Variants in NLRP6 observed in about 807,000 individuals in gnomAD.
The protein encoded by NLRP6 is NACHT, LRR and PYD domains-containing protein 6.
A neutral mutation model predicts 70.9 loss-of-function variants in NLRP6; 55 were observed. The observed-to-expected ratio is 0.78, with a 90% CI of 0.62 to 0.97. The LOEUF (loss-of-function observed/expected upper bound fraction) is 0.97, where lower values mean the gene tolerates loss of function less well. Among genes scored for constraint, NLRP6 ranks in the 50% least tolerant of loss-of-function variants. The probability of loss-of-function intolerance (pLI) is 0.00; values close to 1 mark genes in which losing one functional copy is unlikely to be tolerated. For missense variants in NLRP6, 1,241 were observed against 1,238.3 expected, an observed-to-expected ratio of 1.00 and a Z score of -0.03; for synonymous variants, 652 against 581.9, an observed-to-expected ratio of 1.12 and a Z score of -1.73.
Position 280,584 on chromosome 11 carries a change from C to A in NLRP6, c.850C>A (p.Leu284Met). Residue 284 changes from leucine to methionine, a missense_variant, in exon 4 of 8, where the codon CTG (leucine) becomes ATG (methionine). By Grantham distance (15) the Leu-to-Met change is conservative. Coordinates refer to ENST00000534750, the MANE Select transcript of NLRP6 (RefSeq NM_001276700.2). ...CTTCATCCTGGACGGCGCGGACGAG[C>A]TGCCGGCGCTGGGGGGCCCCGAGGC... ...LLFILDGADE[L>M]PALGGPEAAP... 6.9e-7 allele frequency: 1 copy of A among 1,451,758 alleles called. No individual in the cohort carries two copies. 89.9% of individuals were successfully genotyped at this position (1,451,758 alleles called of 1,614,324 possible).
chr11:281,672 G>A lies in NLRP6; in HGVS notation c.1938G>A (p.Leu646=), dbSNP rs1845481462. ...TGTGCCGGTTCCCGGAGCTGGCGCT[G>A]CAGCGAGTGCGCTTCTGCCGCATGG... ...QALCRFPELA[L]QRVRFCRMDV... Residue 646 remains leucine, a synonymous_variant, in exon 4 of 8, where the codon CTG becomes CTA. Transcript: ENST00000534750. 1.2e-6 allele frequency: 2 copies of A among 1,613,444 alleles called. No individual in the cohort carries two copies. The highest frequency in any genetic ancestry group is 2.2e-5 in the South Asian group (2 of 91,080).
In NLRP6 at chr11:278,469, G is replaced by A; in HGVS notation, c.-101G>A. 1 of 1,030,214 alleles carries A rather than the reference G, an allele frequency of 9.7e-7. No individual in the cohort carries two copies. Among genetic ancestry groups the A allele is most frequent in the Admixed American group, 2.9e-5 (1 of 34,548 alleles). 63.8% of individuals were successfully genotyped at this position (1,030,214 alleles called of 1,614,324 possible). A position where few individuals can be genotyped will look rare whatever the true frequency, so the allele number is the denominator to read the frequency against. On this transcript the variant is annotated 5_prime_UTR_variant, in exon 1 of 8. Coordinates refer to ENST00000534750, the MANE Select transcript of NLRP6 (RefSeq NM_001276700.2). The surrounding 1 kb of genome is among the most constrained non-coding windows in gnomAD (Gnocchi z 4.7). ...TGGACCCGGGGAATGGACCGGGCTG[G>A]ACAACCTCTAAGACTTGGCTCCAGC...
At chr11:279,180 C>G (rs1845429204) in intron 1 of NLRP6, 147 bp from the exon 2 acceptor site, 2 of 691,736 alleles carry the variant, frequency 2.9e-6, no homozygotes, top group Non-Finnish European at 4.0e-6. Flanking sequence ...CCCGTTGCCC[C>G]CTCCCGCCAC....
At position 281,025 on chromosome 11, in the gene NLRP6, C is replaced by G; in HGVS notation, c.1291C>G (p.Pro431Ala). The G allele has an allele frequency of 6.2e-7, 1 of 1,613,038 alleles. No individual in the cohort carries two copies. Among genetic ancestry groups the G allele is most frequent in the Non-Finnish European group, 8.5e-7 (1 of 1,179,964 alleles). The change falls in exon 4 of 8, where the codon CCG (proline) becomes GCG (alanine). Residue 431 changes from proline (P) to alanine (A), a missense_variant. Physicochemically the swap from Pro to Ala is conservative, Grantham distance 27. Coordinates refer to ENST00000534750, the MANE Select transcript of NLRP6 (RefSeq NM_001276700.2). Reference sequence around the variant, plus strand: ...CATCACCAGCGTTCTGAGCTCGGCTCCGGTAGCCGACGGGCCCCGGTTGCA... The same window carrying G: ...CATCACCAGCGTTCTGAGCTCGGCTGCGGTAGCCGACGGGCCCCGGTTGCA... ...LFITSVLSSA[P>A]VADGPRLQGD...
Position 279,520 on chromosome 11 carries a change from GA to G in NLRP6, c.224del (p.Glu75GlyfsTer59). 1 of 1,458,146 alleles carries G rather than the reference GA, an allele frequency of 6.9e-7. No homozygotes were observed. The highest frequency in any genetic ancestry group is 9.0e-7 in the Non-Finnish European group (1 of 1,107,290). 90.3% of individuals were successfully genotyped at this position (1,458,146 alleles called of 1,614,324 possible). ...GCAGCTGGCCCAGTTCTACGGCCCG[GA>G]GCCTGCCCTGGAGGTGGCCCGCAAG... Reference protein sequence around the residue: ...AEQLAQFYGPEPALEVARKTL... With the variant: ...AEQLAQFYGPXPALEVARKTL... On this transcript the variant is annotated frameshift_variant, in exon 2 of 8. Coordinates refer to ENST00000534750, the MANE Select transcript of NLRP6 (RefSeq NM_001276700.2). LOFTEE classifies it high-confidence loss of function.
At position 284,303 on chromosome 11, in the gene NLRP6, A is replaced by AC; in HGVS notation, c.2273dup (p.Glu759GlyfsTer11). The AC allele has an allele frequency of 2.5e-6, 4 of 1,612,630 alleles. No individual in the cohort carries two copies. Among genetic ancestry groups the AC allele is most frequent in the Non-Finnish European group, 3.4e-6 (4 of 1,179,876 alleles). ...GGCCCTGAGGGCAGCCCCCGCACTG[A>AC]CGGAGCTGGGCCTCCTCCACAACAG... On this transcript the variant is annotated frameshift_variant, in exon 6 of 8. Transcript: ENST00000534750. LOFTEE classifies it high-confidence loss of function.
chr11:280,091 G>A lies in NLRP6; in HGVS notation c.357G>A (p.Lys119=). The A allele has an allele frequency of 1.3e-6, 2 of 1,504,834 alleles. No individual in the cohort carries two copies. The highest frequency in any genetic ancestry group is 1.8e-6 in the Non-Finnish European group (2 of 1,128,036). The allele number at this position is 1,504,834 out of a possible 1,614,324, so 93.2% of individuals were successfully genotyped here. Residue 119 remains lysine, a synonymous_variant, in exon 4 of 8, where the codon AAG becomes AAA. Transcript: ENST00000534750. ...GTCTCCCGCTGCGCCCAGAGTACAA[G>A]AAGAAGTACCGGGAGCACGTGCTGC... is the stretch of plus-strand genomic sequence containing the variant. ...SGTLLSVSEY[K]KKYREHVLQL...
intron 1 of NLRP6, 175 bp from the exon 2 acceptor site, chr11:279,151 GA>G (rs1474002005): frequency 1.4e-5 from 7 of 515,562 alleles, no homozygotes; most frequent in Admixed American, 8.9e-5. Context: ...ACGGGGGAGG[GA>G]AAAGTCTGGG....
At position 281,562 on chromosome 11, in the gene NLRP6, G is replaced by A; in HGVS notation, c.1828G>A (p.Glu610Lys). 4 of 1,611,480 alleles carry A rather than the reference G, an allele frequency of 2.5e-6. No individual in the cohort carries two copies. The highest frequency in any genetic ancestry group is 3.4e-6 in the Non-Finnish European group (4 of 1,179,010). The change falls in exon 4 of 8, where the codon GAG becomes AAG. Residue 610 changes from glutamate to lysine, a missense_variant. Physicochemically the swap from Glu to Lys is moderately conservative, Grantham distance 56. Transcript: ENST00000534750. ...GGACACCGAAGAGCCAGAGGAGGAG[G>A]AGGAGGGAGAGGAGCCCAACTACCC... Reference protein sequence around the residue: ...LEDTEEPEEEEEGEEPNYPLE... With the variant: ...LEDTEEPEEEKEGEEPNYPLE...
rs752975307 is a variant in NLRP6 at position 284,492 on chromosome 11, C to T, written c.2387C>T (p.Pro796Leu). Residue 796 changes from proline (P) to leucine (L), a missense_variant, in exon 7 of 8, where the codon CCC (proline) becomes CTC (leucine). Physicochemically the swap from Pro to Leu is moderately conservative, Grantham distance 98. Transcript: ENST00000534750. ...TCCCACAGGGTACAGCTGCCTGACC[C>T]CCAGCGAGGGCTCCAGTACCTGGTG... ...VQTVRVQLPD[P>L]QRGLQYLVGM... 23 of 1,612,808 alleles carry T rather than the reference C, an allele frequency of 1.4e-5. No homozygotes were observed. The highest frequency in any genetic ancestry group is 1.3e-5 in the African/African-American group (1 of 74,918).
rs772833407 is a variant in NLRP6 at position 281,830 on chromosome 11, G to C, written c.2096G>C (p.Gly699Ala). Residue 699 changes from glycine to alanine, a missense_variant, in exon 4 of 8, where the codon GGT (glycine) becomes GCT (alanine). Gly to Ala is a moderately conservative substitution (Grantham distance 60). Coordinates refer to ENST00000534750, the MANE Select transcript of NLRP6 (RefSeq NM_001276700.2). Reference protein sequence around the residue: ...SLGKRLQASLGGGSSQGTTKQ... With the variant: ...SLGKRLQASLAGGSSQGTTKQ... The stretch of plus-strand genomic sequence containing the variant: ...GGGAAGCGGCTCCAGGCCAGCCTGG[G>C]TGGCGGCAGGTGCGTCTCCAGGGCA... 14 of 1,574,362 alleles carry C rather than the reference G, an allele frequency of 8.9e-6. No homozygotes were observed. Among genetic ancestry groups the C allele is most frequent in the Admixed American group, 3.5e-5 (2 of 57,418 alleles).
Position 284,293 on chromosome 11 carries a change from C to T in NLRP6, c.2262C>T (p.Ala754=), listed in dbSNP as rs953115273. 6.2e-7 allele frequency: 1 copy of T among 1,612,804 alleles called. No individual in the cohort carries two copies. Among genetic ancestry groups the T allele is most frequent in the Non-Finnish European group, 8.5e-7 (1 of 1,179,924 alleles). Reference sequence around the variant, plus strand: ...ACCTTTCTGAGGCCCTGAGGGCAGCCCCCGCACTGACGGAGCTGGGCCTCC... The same window carrying T: ...ACCTTTCTGAGGCCCTGAGGGCAGCTCCCGCACTGACGGAGCTGGGCCTCC... ...CRDLSEALRA[A]PALTELGLLH... The change falls in exon 6 of 8, where the codon GCC becomes GCT. Residue 754 remains alanine (A), a synonymous_variant. Transcript: ENST00000534750.
chr11:285,048 CA>C, intron 7 of NLRP6, 117 bp from the exon 8 acceptor site: 1 of 820,562 alleles, frequency 1.2e-6, no homozygotes, highest in Non-Finnish European at 1.9e-6. Context: ...GCAGCCCGGC[CA>C]CCCCCACGGC....
rs561710559 is a variant in NLRP6 at position 278,612 on chromosome 11, C to T, written c.29+14C>T. ...CCCCTGCTCCAGGTGAGTGCTGGCC[C>T]CAGGGTGGTCACTGGGAACCGGCTG... On this transcript the variant is annotated intron_variant, in intron 1 of 7. Coordinates refer to ENST00000534750, the MANE Select transcript of NLRP6 (RefSeq NM_001276700.2). The surrounding 1 kb of genome is among the most constrained non-coding windows in gnomAD (Gnocchi z 4.7). 8.2e-6 allele frequency: 13 copies of T among 1,580,074 alleles called. No homozygotes were observed. In the Admixed American group the frequency reaches 2.0e-4, roughly 24 times the overall value.
chr11:282,027 C>T (rs1845487807), intron 4 of NLRP6, among the ~76,000 whole-genome samples, 188 bp downstream of exon 4: 1 of 152,100 alleles, frequency 6.6e-6, no homozygotes, highest in Non-Finnish European at 1.5e-5. Flanking sequence ...CCAGGGTGTC[C>T]TCACCATGCC....
In NLRP6 at chr11:278,585, GC is replaced by G; in HGVS notation, c.21del (p.Cys8AlafsTer22). 1 of 1,590,336 alleles carries G rather than the reference GC, an allele frequency of 6.3e-7. No individual in the cohort carries two copies. The highest frequency in any genetic ancestry group is 8.6e-7 in the Non-Finnish European group (1 of 1,169,172). On this transcript the variant is annotated frameshift_variant, in exon 1 of 8. Coordinates refer to ENST00000534750, the MANE Select transcript of NLRP6 (RefSeq NM_001276700.2). LOFTEE classifies it high-confidence loss of function. The surrounding 1 kb of genome is among the most constrained non-coding windows in gnomAD (Gnocchi z 4.7). MDQPE[A>X]PCSSTGPRLA... The stretch of plus-strand genomic sequence containing the variant: ...AAGAGACCCCATGGACCAGCCAGAG[GC>G]CCCCTGCTCCAGGTGAGTGCTGGCC...
rs1256841042 is a variant in NLRP6 at position 280,319 on chromosome 11, G to T, written c.585G>T (p.Pro195=). The change falls in exon 4 of 8, where the codon CCG becomes CCT. Residue 195 remains proline, a synonymous_variant. Transcript: ENST00000534750. ...GCCGCGACGAGGAGGGCCGGCGGCCGCTGACCGTGGTGCTGCAGGGCCCGG... is the reference window on the plus strand; with the variant it reads ...GCCGCGACGAGGAGGGCCGGCGGCCTCTGACCGTGGTGCTGCAGGGCCCGG... The part of the protein sequence containing the change: ...LFRRDEEGRR[P]LTVVLQGPAG... 2 of 1,498,648 alleles carry T rather than the reference G, an allele frequency of 1.3e-6. No individual in the cohort carries two copies. The highest frequency in any genetic ancestry group is 1.8e-6 in the Non-Finnish European group (2 of 1,126,228). The allele number at this position is 1,498,648 out of a possible 1,614,324, so 92.8% of individuals were successfully genotyped here. A position where few individuals can be genotyped will look rare whatever the true frequency, so the allele number is the denominator to read the frequency against.
At position 285,187 on chromosome 11, in the gene NLRP6, C is replaced by T. The variant is rs1314970083; in HGVS notation, c.2559C>T (p.Ser853=). The T allele has an allele frequency of 9.4e-6, 15 of 1,591,808 alleles. No individual in the cohort carries two copies. Among genetic ancestry groups the T allele is most frequent in the South Asian group, 3.4e-5 (3 of 87,944 alleles). ...GCAGTCTGGCCTCTGTGGAGCTGAG[C>T]GAGCAGTCACTACAGGAGCTTCAGG... is the stretch of plus-strand genomic sequence containing the variant. ...QTLSLASVEL[S]EQSLQELQAV... is the part of the protein sequence containing the mutation. Residue 853 remains serine, a synonymous_variant, in exon 8 of 8, where the codon AGC becomes AGT. Transcript: ENST00000534750.
rs377453057 is a variant in NLRP6, at chr11:282,828, G to A, written c.2198+31G>A. 62 of 1,508,810 alleles carry A rather than the reference G, an allele frequency of 4.1e-5. 1 individual carries two copies. In the Admixed American group the frequency reaches 7.5e-4, roughly 18 times the overall value. 93.5% of individuals were successfully genotyped at this position (1,508,810 alleles called of 1,614,324 possible). On this transcript the variant is annotated intron_variant, in intron 5 of 7. Transcript: ENST00000534750. ...TGGCCACACCCCCAGCTCTTCCCACGGAGCGGGCTGAGAGCAGGATGCCCT... is the reference window on the plus strand; with the variant it reads ...TGGCCACACCCCCAGCTCTTCCCACAGAGCGGGCTGAGAGCAGGATGCCCT...
Sources: allele counts gnomAD v4.1 joint callset (sites outside exome capture counted in the v4.1 genomes callset), GRCh38; gene constraint gnomAD v4.1.1; non-coding constraint Gnocchi (gnomAD v3.1); transcripts MANE v1.5; gene names NCBI Gene and HGNC (gene_info 2026-07-23, HGNC 2026-07-21).